Variants in CNTNAP3B observed in about 807,000 individuals in gnomAD.
The protein encoded by CNTNAP3B is contactin associated protein family member 3B, also known as contactin-associated protein-like 3B.
A neutral mutation model predicts 108.9 loss-of-function variants in CNTNAP3B; 25 were observed. The ratio of observed to expected loss-of-function variants is 0.23; its 90% CI spans 0.17 to 0.32. The LOEUF is 0.32. CNTNAP3B is among the 10% of genes least tolerant of loss of function. The pLI is 1.00. For missense variants in CNTNAP3B, 252 were observed against 1,210.4 expected (o/e 0.21, Z 11.75); for synonymous variants, 103 against 473.4 (o/e 0.22, Z 10.16).
Position 42,116,688 on chromosome 9 carries a change from G to A in CNTNAP3B, c.86-11949C>T, listed in dbSNP as rs1828326156. Among the ~76,000 whole-genome samples, 2 of 139,744 alleles carry A rather than the reference G, an allele frequency of 1.4e-5. 1 individual carries two copies. Among genetic ancestry groups the A allele is most frequent in the African/African-American group, 5.7e-5 (2 of 35,192 alleles). The allele number at this position is 139,744 out of a possible 152,430, so 91.7% of individuals were successfully genotyped here. ...ACACATAACAATATTAACCTTAAAT[G>A]TAAATAGGCTAAATCCTCCAATTAA... is the stretch of plus-strand genomic sequence containing the variant. On this transcript the variant is annotated intron_variant, in intron 1 of 23. Transcript: ENST00000377561.
At chr9:42,103,441 T>G (rs1587274058) in intron 2 of CNTNAP3B, among the ~76,000 whole-genome samples, 2 of 78,902 alleles carry the variant, frequency 2.5e-5, no homozygotes, top group South Asian at 4.3e-4. Context: ...AAAAAAAGGC[T>G]GGGCGCGGTT....
chr9:41,935,969 T>C (rs2118042296), intron 14 of CNTNAP3B, among the ~76,000 whole-genome samples: 1 of 152,372 alleles, frequency 6.6e-6, no homozygotes, highest in Non-Finnish European at 1.5e-5. Flanking sequence ...GGTCACTCAA[T>C]ACAGGTGGCT....
intron 1 of CNTNAP3B, among the ~76,000 whole-genome samples, chr9:42,121,936 G>A (rs892918060): frequency 7.1e-6 from 1 of 140,188 alleles, no homozygotes; most frequent in Non-Finnish European, 1.5e-5. Context: ...ATTACTTACA[G>A]CATAGCAAAC....
intron 2 of CNTNAP3B, among the ~76,000 whole-genome samples, chr9:42,096,728 G>A (rs564586536): frequency 2.7e-5 from 3 of 109,490 alleles, no homozygotes; most frequent in South Asian, 3.0e-4. Flanking sequence ...GCTGACTTAC[G>A]CCAGGACTCA....
At chr9:42,112,984 T>C (rs1828227667) in intron 1 of CNTNAP3B, among the ~76,000 whole-genome samples, 1 of 130,522 alleles carries the variant, frequency 7.7e-6, no homozygotes, top group Admixed American at 7.8e-5. Context: ...ATCGATCTCC[T>C]GATCTCGTGA....
At chr9:41,925,711 G>T (rs1280184957) in intron 15 of CNTNAP3B, among the ~76,000 whole-genome samples, 9 of 152,286 alleles carry the variant, frequency 5.9e-5, no homozygotes, top group Non-Finnish European at 1.2e-4. Flanking sequence ...CTATTCAATG[G>T]TTTATACTCT....
rs1386604990 is a variant in CNTNAP3B at position 41,977,785 on chromosome 9, AATT to A, written c.1478-7543_1478-7541del. 2.8e-3 allele frequency among the ~76,000 whole-genome samples: 38 copies of A among 13,550 alleles called. 2 individuals carry two copies. The East Asian group carries it at 0.092, about 33-fold the overall frequency. The allele number at this position is 13,550 out of a possible 152,430, so 8.9% of individuals were successfully genotyped here. ...CAGGCGCCCACCACCATGCCCAGCT[AATT>A]TTTTTTTTTTTTTTTTGTATTTTTA... On this transcript the variant is annotated intron_variant, in intron 9 of 23. Transcript: ENST00000377561.
intron 14 of CNTNAP3B, among the ~76,000 whole-genome samples, chr9:41,931,233 G>A (rs911045361): frequency 2.0e-5 from 3 of 152,380 alleles, no homozygotes; most frequent in South Asian, 2.1e-4. Flanking sequence ...GGGGGCACAT[G>A]TGCTATTTTG....
rs1237853881 is a variant in CNTNAP3B, at chr9:41,919,140, T to C, written c.2995+930A>G. 3.9e-5 allele frequency among the ~76,000 whole-genome samples: 6 copies of C among 152,228 alleles called. No homozygotes were observed. The East Asian group carries it at 1.2e-3, about 29-fold the overall frequency. On this transcript the variant is annotated intron_variant, in intron 18 of 23. Coordinates refer to ENST00000377561, the MANE Select transcript of CNTNAP3B (RefSeq NM_001201380.3). Reference sequence around the variant, plus strand: ...AAATCAGTCCCTTTTTCCTTTTCTTTTTTTTTTTCCCCAAGACGGAGTCTC... The same window carrying C: ...AAATCAGTCCCTTTTTCCTTTTCTTCTTTTTTTTCCCCAAGACGGAGTCTC...
intron 10 of CNTNAP3B, among the ~76,000 whole-genome samples, chr9:41,969,018 G>A (rs868624473): frequency 4.9e-4 from 74 of 152,366 alleles, no homozygotes; most frequent in African/African-American, 1.6e-3. Context: ...GGATGGTCTC[G>A]ATCTCCTGAC....
chr9:41,924,244 C>G (rs1277254668), intron 15 of CNTNAP3B, among the ~76,000 whole-genome samples, 151 bp from the exon 16 acceptor site: 4 of 152,310 alleles, frequency 2.6e-5, no homozygotes, highest in Non-Finnish European at 5.9e-5. Flanking sequence ...ATGTCATATA[C>G]TGATGACATC....
At chr9:42,104,172 TA>T (rs1828056853) in intron 2 of CNTNAP3B, among the ~76,000 whole-genome samples, 1 of 120,168 alleles carries the variant, frequency 8.3e-6, no homozygotes, top group African/African-American at 3.4e-5. Flanking sequence ...GAGTTGTAGT[TA>T]AAACATAATA....
At position 41,953,305 on chromosome 9, in the gene CNTNAP3B, G is replaced by C. The variant is rs752243572; in HGVS notation, c.1958C>G (p.Ser653Trp). The C allele has an allele frequency of 3.9e-6, 6 of 1,536,766 alleles. No individual in the cohort carries two copies. The highest frequency in any genetic ancestry group is 1.2e-5 in the South Asian group (1 of 84,236). The change falls in exon 13 of 24, where the codon TCG becomes TGG. Residue 653 changes from serine to tryptophan, a missense_variant. Transcript: ENST00000377561. ...CGCTGCGTACGCGAAGGACACAGCC[G>C]AGAGCGGGTGCCCGCTGGGGGCACC... ...LRGAPSGHPL[S>W]AVSFAYAAGA...
intron 18 of CNTNAP3B, among the ~76,000 whole-genome samples, chr9:41,918,573 C>A (rs1823579608): frequency 7.0e-6 from 1 of 143,240 alleles, no homozygotes; most frequent in Non-Finnish European, 1.5e-5. Context: ...AAAGAATTTA[C>A]TGAAAATCCA....
At chr9:41,940,613 G>A (rs887088802) in intron 13 of CNTNAP3B, among the ~76,000 whole-genome samples, 34 of 152,262 alleles carry the variant, frequency 2.2e-4, no homozygotes, top group Admixed American at 1.4e-3. Flanking sequence ...AGGTCAGATC[G>A]AGACCATCCT....
At chr9:41,924,645 G>GCACACACACACACACACA (rs200851620) in intron 15 of CNTNAP3B, among the ~76,000 whole-genome samples, 1 of 135,060 alleles carries the variant, frequency 7.4e-6, no homozygotes, top group African/African-American at 3.0e-5. Flanking sequence ...TTTCCTTCCT[G>GCACACACACACACACACA]CACACACACA....
Position 41,954,135 on chromosome 9 carries a change from T to C in CNTNAP3B, c.1877-749A>G, listed in dbSNP as rs1200277751. Among the ~76,000 whole-genome samples, 7 of 152,366 alleles carry C rather than the reference T, an allele frequency of 4.6e-5. 1 individual carries two copies. In the South Asian group the frequency reaches 8.3e-4, roughly 18 times the overall value. ...TGAAGTCACTTTAATTCTACTATGC[T>C]GGTGCTGTCTGGTCCTTTAACCTCT... On this transcript the variant is annotated intron_variant, in intron 12 of 23. Transcript: ENST00000377561.
chr9:41,925,255 C>T (rs2117972467), intron 15 of CNTNAP3B, among the ~76,000 whole-genome samples: 1 of 150,168 alleles, frequency 6.7e-6, no homozygotes, highest in South Asian at 2.1e-4. Flanking sequence ...TTTCTAAGCT[C>T]TGTCATTCCT....
intron 1 of CNTNAP3B, among the ~76,000 whole-genome samples, chr9:42,124,416 T>C (rs1190256253): frequency 1.4e-5 from 2 of 138,152 alleles, no homozygotes; most frequent in South Asian, 4.7e-4. Context: ...TTTTATACAG[T>C]ACCACAACAC....
Sources: gnomAD v4.1 joint callset for allele counts (sites outside exome capture counted in the v4.1 genomes callset) on GRCh38, gnomAD v4.1.1 for gene constraint, MANE v1.5 for transcripts, NCBI Gene and HGNC (gene_info 2026-07-23, HGNC 2026-07-21) for gene names.